Variants in MYO1D observed in about 807,000 individuals in gnomAD.
MYO1D encodes unconventional myosin-Id.
MYO1D carries 83 observed loss-of-function variants against 122.0 expected under a neutral mutation model. That is an observed-to-expected ratio of 0.68 (90% CI 0.57 to 0.82). The LOEUF (loss-of-function observed/expected upper bound fraction) is 0.82, where lower values mean the gene tolerates loss of function less well. MYO1D is among the 40% of genes least tolerant of loss of function. The pLI is 0.00. For missense variants in MYO1D, 1,157 were observed against 1,269.5 expected (o/e 0.91, Z 1.35); for synonymous variants, 464 against 446.9 (o/e 1.04, Z -0.48).
intron 21 of MYO1D, among the ~76,000 whole-genome samples, chr17:32,577,414 G>T (rs946867298): frequency 1.2e-4 from 19 of 152,114 alleles, no homozygotes; most frequent in Non-Finnish European, 1.5e-5. Flanking sequence ...CTATAGGTGT[G>T]AGCCACCACA....
chr17:32,613,666 C>G (rs907784654), intron 20 of MYO1D, among the ~76,000 whole-genome samples: 1 of 151,470 alleles, frequency 6.6e-6, no homozygotes, highest in Non-Finnish European at 1.5e-5. Flanking sequence ...CCCAGCTACT[C>G]GGGGGGCTGA....
intron 16 of MYO1D, among the ~76,000 whole-genome samples, chr17:32,668,410 C>A (rs776318215): frequency 1.3e-5 from 2 of 152,194 alleles, no homozygotes; most frequent in Non-Finnish European, 2.9e-5. Context: ...ACACAGTACT[C>A]CATCAAAATA....
chr17:32,676,601 G>A (rs927993022), intron 16 of MYO1D, among the ~76,000 whole-genome samples: 6 of 151,988 alleles, frequency 3.9e-5, no homozygotes, highest in African/African-American at 9.7e-5. Flanking sequence ...GACTCTCCCT[G>A]AACCTAGAAC....
chr17:32,776,712 T>A (rs1400189643), intron 3 of MYO1D, among the ~76,000 whole-genome samples: 1 of 152,238 alleles, frequency 6.6e-6, no homozygotes, highest in Non-Finnish European at 1.5e-5. Context: ...TCTTCACTAG[T>A]TCAGAAATTG....
intron 15 of MYO1D, among the ~76,000 whole-genome samples, chr17:32,713,069 A>T (rs1352657266): frequency 1.3e-5 from 2 of 152,220 alleles, no homozygotes; most frequent in Non-Finnish European, 2.9e-5. Context: ...AGTCAAATTT[A>T]GTTTTTTTCT....
chr17:32,806,062 T>C (rs372194726), intron 1 of MYO1D, among the ~76,000 whole-genome samples: 1 of 152,074 alleles, frequency 6.6e-6, no homozygotes, highest in Non-Finnish European at 1.5e-5. Flanking sequence ...ATTGAGACCA[T>C]CCTGGCTAGC....
intron 14 of MYO1D, among the ~76,000 whole-genome samples, chr17:32,726,800 T>C (rs1225175820): frequency 1.3e-5 from 2 of 151,406 alleles, no homozygotes; most frequent in African/African-American, 4.8e-5. Context: ...ATAATTAAAA[T>C]ACATGACCAA....
intron 16 of MYO1D, among the ~76,000 whole-genome samples, chr17:32,691,782 T>C (rs1341037888): frequency 6.6e-6 from 1 of 152,210 alleles, no homozygotes; most frequent in Non-Finnish European, 1.5e-5. Flanking sequence ...AGAGGTATAA[T>C]TGCTGGATTA....
chr17:32,740,747 T>A lies in MYO1D; in HGVS notation c.1614-2362A>T, dbSNP rs148398650. ...ACCTCAGCCTCCCAAAGTGCTGGGA[T>A]TACAGGTGTCAGCCACCATGCCCAG... On this transcript the variant is annotated intron_variant, in intron 13 of 21. Coordinates refer to ENST00000318217, the MANE Select transcript of MYO1D (RefSeq NM_015194.3). Among the ~76,000 whole-genome samples, 665 of 152,242 alleles carry A rather than the reference T, an allele frequency of 4.4e-3. 4 individuals are homozygous for A. The highest frequency in any genetic ancestry group is 6.6e-3 in the Non-Finnish European group (447 of 68,008).
intron 16 of MYO1D, among the ~76,000 whole-genome samples, chr17:32,667,939 C>T (rs2088658654): frequency 6.6e-6 from 1 of 152,162 alleles, no homozygotes. Context: ...CAATTACTAT[C>T]AGAAGAACAG....
chr17:32,709,317 G>T (rs565270852), intron 16 of MYO1D, among the ~76,000 whole-genome samples: 1 of 152,080 alleles, frequency 6.6e-6, no homozygotes, highest in Non-Finnish European at 1.5e-5. Flanking sequence ...CTAACTCTGA[G>T]CTTGAATCAA....
At chr17:32,739,394 C>T (rs1206462573) in intron 13 of MYO1D, among the ~76,000 whole-genome samples, 3 of 148,652 alleles carry the variant, frequency 2.0e-5, no homozygotes, top group African/African-American at 7.4e-5. Flanking sequence ...ATCGCAAGGA[C>T]AAAAAACCAA....
intron 21 of MYO1D, among the ~76,000 whole-genome samples, chr17:32,504,379 C>T (rs550994961): frequency 1.3e-5 from 2 of 152,210 alleles, no homozygotes; most frequent in African/African-American, 4.8e-5. Flanking sequence ...TCATGGAGCG[C>T]CCAGGGTGGA....
chr17:32,840,424 C>T (rs1432401691), intron 1 of MYO1D, among the ~76,000 whole-genome samples: 3 of 152,090 alleles, frequency 2.0e-5, no homozygotes, highest in Non-Finnish European at 4.4e-5. Context: ...GTTCAGATTA[C>T]AGGTGTGTCC....
chr17:32,822,252 T>C (rs1489897732), intron 1 of MYO1D, among the ~76,000 whole-genome samples: 1 of 152,110 alleles, frequency 6.6e-6, no homozygotes, highest in Non-Finnish European at 1.5e-5. Flanking sequence ...GAAACCATCA[T>C]TCTCAGCAAA....
rs1567946725 is a variant in MYO1D, at chr17:32,682,717, A to G, written c.2122-23379T>C. ...CATTTCAACTTTGGTGAATCTGACA[A>G]TTACGTGTCTTGGAGTTGCTCTTCT... On this transcript the variant is annotated intron_variant, in intron 16 of 21. Transcript: ENST00000318217. Among the ~76,000 whole-genome samples, 2 of 117,420 alleles carry G rather than the reference A, an allele frequency of 1.7e-5. 1 individual carries two copies. The allele number at this position is 117,420 out of a possible 152,430, so 77.0% of individuals were successfully genotyped here.
At position 32,841,757 on chromosome 17, in the gene MYO1D, C is replaced by T. The variant is rs543011417; in HGVS notation, c.95+35021G>A. Among the ~76,000 whole-genome samples, 3 of 149,510 alleles carry T rather than the reference C, an allele frequency of 2.0e-5. No homozygotes were observed. In the East Asian group the frequency reaches 6.0e-4, roughly 30 times the overall value. On this transcript the variant is annotated intron_variant, in intron 1 of 21. Transcript: ENST00000318217. ...AATTAGCCTAATAGAGGAGGATAAG[C>T]CCCCATCTCCTATTGCAACAGGAAG...
chr17:32,511,549 T>A (rs1347210034), intron 21 of MYO1D, among the ~76,000 whole-genome samples: 1 of 152,038 alleles, frequency 6.6e-6, no homozygotes, highest in African/African-American at 2.4e-5. Context: ...TGCTCTAATG[T>A]CTGTAGGGCT....
intron 21 of MYO1D, chr17:32,531,564 T>C (rs1484448453): frequency 1.3e-5 from 2 of 152,204 alleles, no homozygotes; most frequent in Non-Finnish European, 2.9e-5. Context: ...ATAAGAATGT[T>C]GTTGGAAAAA....
Sources: gnomAD v4.1 joint callset for allele counts (sites outside exome capture counted in the v4.1 genomes callset) on GRCh38, gnomAD v4.1.1 for gene constraint, MANE v1.5 for transcripts, NCBI Gene and HGNC (gene_info 2026-07-23, HGNC 2026-07-21) for gene names.